Variants in PDE1A observed in about 807,000 individuals in gnomAD.
The protein encoded by PDE1A is dual specificity calcium/calmodulin-dependent 3',5'-cyclic nucleotide phosphodiesterase 1A.
PDE1A carries 35 observed loss-of-function variants against 61.7 expected under a neutral mutation model. The ratio of observed to expected loss-of-function variants is 0.57; its 90% CI spans 0.43 to 0.75. The LOEUF (loss-of-function observed/expected upper bound fraction) is 0.75, where lower values mean the gene tolerates loss of function less well. PDE1A is among the 30% of genes least tolerant of loss of function. PDE1A has a pLI of 0.00. For synonymous variants in PDE1A, 232 were observed against 213.2 expected, an observed-to-expected ratio of 1.09 and a Z score of -0.77; for missense variants, 597 against 630.6, an observed-to-expected ratio of 0.95 and a Z score of 0.57.
chr2:182,468,311 A>G (rs1366409773), intron 2 of PDE1A, among the ~76,000 whole-genome samples: 1 of 151,938 alleles, frequency 6.6e-6, no homozygotes, highest in African/African-American at 2.4e-5. Context: ...TTTATGTACA[A>G]GTTTATATCT....
At chr2:182,269,562 C>T (rs965149052) in intron 1 of PDE1A, among the ~76,000 whole-genome samples, 2 of 151,460 alleles carry the variant, frequency 1.3e-5, no homozygotes, top group African/African-American at 4.9e-5. Flanking sequence ...CATACTTTTC[C>T]AGAAAATTGA....
chr2:182,435,140 T>C (rs1343043745), intron 2 of PDE1A, among the ~76,000 whole-genome samples: 6 of 152,022 alleles, frequency 3.9e-5, no homozygotes, highest in Non-Finnish European at 8.8e-5. Context: ...TAACATTATA[T>C]GAAAACATCA....
the PDE1A span, among the ~76,000 whole-genome samples, chr2:182,709,170 TAA>T: frequency 1.6e-3 from 235 of 149,264 alleles, 1 homozygote; most frequent in African/African-American, 3.7e-3. Flanking sequence ...TTCTTTTTCT[TAA>T]AAAAAAAAAA....
chr2:182,341,000 A>T (rs1001484389), intron 1 of PDE1A, among the ~76,000 whole-genome samples: 9 of 152,196 alleles, frequency 5.9e-5, no homozygotes, highest in African/African-American at 2.2e-4. Flanking sequence ...GAAGCTTCGA[A>T]AGTGTAAACT....
chr2:182,698,675 T>A, the PDE1A span, among the ~76,000 whole-genome samples: 1 of 152,248 alleles, frequency 6.6e-6, no homozygotes. Flanking sequence ...TATATTAGCG[T>A]GGCAAATAAA....
In PDE1A at chr2:182,240,296, C is replaced by T; in HGVS notation, c.168-4G>A. 4 of 1,520,898 alleles carry T rather than the reference C, an allele frequency of 2.6e-6. No homozygotes were observed. The highest frequency in any genetic ancestry group is 2.4e-5 in the East Asian group (1 of 42,374). The allele number at this position is 1,520,898 out of a possible 1,614,324, so 94.2% of individuals were successfully genotyped here. Reference sequence around the variant, plus strand: ...ATCTTCAGTATCCAGAAGTCTTCTACAAAAATTTATACAGATTAAACTTTT... The same window carrying T: ...ATCTTCAGTATCCAGAAGTCTTCTATAAAAATTTATACAGATTAAACTTTT... On this transcript the variant is annotated splice_polypyrimidine_tract_variant and splice_region_variant and intron_variant, in intron 2 of 13. Transcript: ENST00000351439.
the PDE1A span, among the ~76,000 whole-genome samples, chr2:182,533,033 G>A: frequency 1.4e-5 from 2 of 144,276 alleles, no homozygotes; most frequent in African/African-American, 2.6e-5. Flanking sequence ...GCAAAGAAGA[G>A]GCCAGGCGCG....
intron 1 of PDE1A, among the ~76,000 whole-genome samples, chr2:182,283,077 A>G (rs1427720261): frequency 6.6e-6 from 1 of 152,056 alleles, no homozygotes; most frequent in African/African-American, 2.4e-5. Flanking sequence ...ATCAATACTA[A>G]TAAGCAATAG....
chr2:182,233,181 G>A (rs1373832910), intron 4 of PDE1A, among the ~76,000 whole-genome samples: 2 of 152,108 alleles, frequency 1.3e-5, no homozygotes, highest in Non-Finnish European at 2.9e-5. Flanking sequence ...GGAAATAATA[G>A]AGAAGGCAAA....
Position 182,305,173 on chromosome 2 carries a change from G to A in PDE1A, c.54-40759C>T, listed in dbSNP as rs182683828. On this transcript the variant is annotated intron_variant, in intron 1 of 13. Coordinates refer to ENST00000351439, the Ensembl canonical transcript of PDE1A. ...TCCAATCTTCTATTAATGTTTGTTC[G>A]GATTACTTCCACTTTATAAACAAAC... 1.7e-3 allele frequency among the ~76,000 whole-genome samples: 68 copies of A among 39,530 alleles called. 1 individual carries two copies. The East Asian group carries it at 0.021, about 12-fold the overall frequency. The allele number at this position is 39,530 out of a possible 152,430, so 25.9% of individuals were successfully genotyped here. A position where few individuals can be genotyped will look rare whatever the true frequency, so the allele number is the denominator to read the frequency against.
At chr2:182,198,978 A>G (rs2125457946) in intron 10 of PDE1A, among the ~76,000 whole-genome samples, 1 of 152,162 alleles carries the variant, frequency 6.6e-6, no homozygotes, top group East Asian at 1.9e-4. Flanking sequence ...ATCTAAGCCT[A>G]GAGTTTTCTT....
At chr2:182,324,611 G>T (rs1251939553) in intron 1 of PDE1A, among the ~76,000 whole-genome samples, 1 of 152,068 alleles carries the variant, frequency 6.6e-6, no homozygotes, top group Non-Finnish European at 1.5e-5. Flanking sequence ...TTTTCTTGAG[G>T]TTTCATATTT....
At chr2:182,521,805 A>G (rs1431992702) in intron 2 of PDE1A, among the ~76,000 whole-genome samples, 1 of 152,118 alleles carries the variant, frequency 6.6e-6, no homozygotes, top group Non-Finnish European at 1.5e-5. Context: ...TCTTATAGAA[A>G]TATCATTTAA....
At chr2:182,149,007 T>G (rs1335114169) in intron 13 of PDE1A, among the ~76,000 whole-genome samples, 1 of 152,190 alleles carries the variant, frequency 6.6e-6, no homozygotes, top group Non-Finnish European at 1.5e-5. Flanking sequence ...GAACCTTCTT[T>G]GAAATTCTTG....
At chr2:182,206,710 T>C (rs1687133383) in intron 7 of PDE1A, among the ~76,000 whole-genome samples, 1 of 152,186 alleles carries the variant, frequency 6.6e-6, no homozygotes, top group Non-Finnish European at 1.5e-5. Flanking sequence ...TGTTGAATTG[T>C]AATCTCCAGT....
chr2:182,421,505 A>T (rs771115945), intron 1 of PDE1A, among the ~76,000 whole-genome samples: 1 of 152,234 alleles, frequency 6.6e-6, no homozygotes, highest in Non-Finnish European at 1.5e-5. Flanking sequence ...CTTGGTGTTA[A>T]TATCAACACT....
the PDE1A span, among the ~76,000 whole-genome samples, chr2:182,587,093 C>T: frequency 6.6e-6 from 1 of 152,126 alleles, no homozygotes; most frequent in African/African-American, 2.4e-5. Flanking sequence ...TTAAAAGGCA[C>T]AGAGTGCTCC....
intron 13 of PDE1A, among the ~76,000 whole-genome samples, chr2:182,179,210 G>A (rs1684538546): frequency 6.6e-6 from 1 of 152,140 alleles, no homozygotes; most frequent in Non-Finnish European, 1.5e-5. Context: ...GATATGATAT[G>A]TACAGACTTA....
At position 182,331,144 on chromosome 2, in the gene PDE1A, T is replaced by C. The variant is rs567569378; in HGVS notation, c.54-66730A>G. Among the ~76,000 whole-genome samples, 3 of 152,308 alleles carry C rather than the reference T, an allele frequency of 2.0e-5. No individual in the cohort carries two copies. The South Asian group carries it at 6.2e-4, about 32-fold the overall frequency. On this transcript the variant is annotated intron_variant, in intron 1 of 13. Coordinates refer to ENST00000351439, the Ensembl canonical transcript of PDE1A. Reference sequence around the variant, plus strand: ...CAGATGGAGGCATAGAGAGGCTTAGTCACTTAGCTGAGATCACACAGTTAG... The same window carrying C: ...CAGATGGAGGCATAGAGAGGCTTAGCCACTTAGCTGAGATCACACAGTTAG...
Sources: allele counts gnomAD v4.1 joint callset (sites outside exome capture counted in the v4.1 genomes callset), GRCh38; gene constraint gnomAD v4.1.1; transcripts MANE v1.5; gene names NCBI Gene and HGNC (gene_info 2026-07-23, HGNC 2026-07-21).